Variants in CFAP20DC observed in about 807,000 individuals in gnomAD.
The protein encoded by CFAP20DC is protein CFAP20DC.
In CFAP20DC, 84 loss-of-function variants were observed where a neutral mutation model predicts 101.7. The observed-to-expected ratio is 0.83, with a 90% CI of 0.69 to 0.99. The LOEUF is 0.99. Among genes scored for constraint, CFAP20DC ranks in the 50% least tolerant of loss-of-function variants. The pLI, the probability that CFAP20DC is intolerant of heterozygous loss-of-function variation, is 0.00. For synonymous variants in CFAP20DC, 359 were observed against 351.2 expected (o/e 1.02, Z -0.25); for missense variants, 1,007 against 970.3 (o/e 1.04, Z -0.50).
Position 58,742,495 on chromosome 3 carries a change from C to A in CFAP20DC, c.2410G>T (p.Asp804Tyr). ...TCATAGTATTTCCCTGTTTGGGGGT[C>A]AAAGTAACAGTTCAGACAAGGGTCA... ...LYDPCLNCYF[D>Y]PQTGKYYELV is the part of the protein sequence containing the mutation. Residue 804 changes from aspartate to tyrosine, a missense_variant, in exon 17 of 17, where the codon GAC (aspartate) becomes TAC (tyrosine). Physicochemically the swap from Asp to Tyr is radical, Grantham distance 160. Coordinates refer to ENST00000482387, the MANE Select transcript of CFAP20DC (RefSeq NM_001394063.1). 1 of 1,607,024 alleles carries A rather than the reference C, an allele frequency of 6.2e-7. No individual in the cohort carries two copies. Among genetic ancestry groups the A allele is most frequent in the South Asian group, 1.1e-5 (1 of 89,578 alleles).
At chr3:58,832,668 C>T (rs2076478802) in intron 13 of CFAP20DC, among the ~76,000 whole-genome samples, 1 of 152,074 alleles carries the variant, frequency 6.6e-6, no homozygotes, top group South Asian at 2.1e-4. Context: ...ATAGCTCCAA[C>T]CAAGGTGGAT....
chr3:58,888,925 T>C (rs2081904270), intron 6 of CFAP20DC, among the ~76,000 whole-genome samples: 1 of 152,094 alleles, frequency 6.6e-6, no homozygotes, highest in South Asian at 2.1e-4. Context: ...ATGAACTAAT[T>C]TGCACTCCCA....
rs1210340006 is a variant in CFAP20DC, at chr3:58,869,363, T to G, written c.980A>C (p.Asn327Thr). 6.2e-7 allele frequency: 1 copy of G among 1,613,716 alleles called. No homozygotes were observed. ...TACAGTCTGCTTTATTTGGTGAATA[T>G]TTTCTTTATTTCCTTGTTCCTCAGA... The part of the protein sequence containing the change: ...PESEEQGNKE[N>T]IHQIKQTVPI... Residue 327 changes from asparagine (N) to threonine (T), a missense_variant, in exon 9 of 17, where the codon AAT becomes ACT. By Grantham distance (65) the Asn-to-Thr change is moderately conservative (BLOSUM62 0). Coordinates refer to ENST00000482387, the MANE Select transcript of CFAP20DC (RefSeq NM_001394063.1). The surrounding 1 kb of genome is among the most constrained non-coding windows in gnomAD (Gnocchi z 4.3).
At chr3:58,743,548 A>G (rs1325103215) in intron 16 of CFAP20DC, among the ~76,000 whole-genome samples, 1 of 152,142 alleles carries the variant, frequency 6.6e-6, no homozygotes, top group Non-Finnish European at 1.5e-5. Context: ...CCCCAAACCC[A>G]ACCCAACCCT....
At chr3:58,936,926 T>G (rs1266353215) in intron 5 of CFAP20DC, among the ~76,000 whole-genome samples, 1 of 129,180 alleles carries the variant, frequency 7.7e-6, no homozygotes, top group Non-Finnish European at 1.7e-5. Flanking sequence ...AGTATAATAA[T>G]AACAAAATTA....
intron 14 of CFAP20DC, among the ~76,000 whole-genome samples, chr3:58,820,812 C>A (rs929664397): frequency 1.3e-5 from 2 of 148,178 alleles, no homozygotes; most frequent in African/African-American, 2.6e-5. Flanking sequence ...TCATATGGAA[C>A]CAAAAAAGAG....
At chr3:58,930,525 T>A (rs917766748) in intron 5 of CFAP20DC, among the ~76,000 whole-genome samples, 1 of 152,198 alleles carries the variant, frequency 6.6e-6, no homozygotes, top group South Asian at 2.1e-4. Context: ...AATAAAAATG[T>A]CCCTTTGTCA....
At position 59,047,264 on chromosome 3, in the gene CFAP20DC, G is replaced by A. The variant is rs1246211160; in HGVS notation, c.22-10C>T. The A allele has an allele frequency of 6.6e-7, 1 of 1,511,332 alleles. No homozygotes were observed. Among genetic ancestry groups the A allele is most frequent in the East Asian group, 2.5e-5 (1 of 40,770 alleles). The allele number at this position is 1,511,332 out of a possible 1,614,324, so 93.6% of individuals were successfully genotyped here. On this transcript the variant is annotated splice_polypyrimidine_tract_variant and intron_variant, in intron 1 of 16. Transcript: ENST00000482387. The stretch of plus-strand genomic sequence containing the variant: ...CAACAAATGCACCTCCCTAGAAAAT[G>A]AAAATAAAATATTAAAAGACAATGC...
intron 13 of CFAP20DC, among the ~76,000 whole-genome samples, chr3:58,834,017 A>G (rs991225810): frequency 1.3e-5 from 2 of 152,172 alleles, no homozygotes; most frequent in Admixed American, 1.3e-4. Flanking sequence ...CAGAAAATAG[A>G]TTAGCGGATG....
chr3:58,760,546 C>T (rs2069458495), intron 15 of CFAP20DC, among the ~76,000 whole-genome samples: 1 of 152,094 alleles, frequency 6.6e-6, no homozygotes, highest in African/African-American at 2.4e-5. Flanking sequence ...TGCCTGATTG[C>T]CCTGGCCAGA....
At chr3:58,813,961 T>A (rs751599555) in intron 14 of CFAP20DC, among the ~76,000 whole-genome samples, 17 of 151,866 alleles carry the variant, frequency 1.1e-4, no homozygotes, top group Admixed American at 3.9e-4. Flanking sequence ...CTTTATTATT[T>A]CACAGCAAAA....
chr3:58,768,687 G>C (rs2070558832), intron 15 of CFAP20DC, among the ~76,000 whole-genome samples: 1 of 152,114 alleles, frequency 6.6e-6, no homozygotes, highest in Non-Finnish European at 1.5e-5. Flanking sequence ...TTGGCTTAAA[G>C]CCTTGACTAG....
chr3:59,047,620 C>T (rs769441463), intron 1 of CFAP20DC, among the ~76,000 whole-genome samples: 6 of 152,162 alleles, frequency 3.9e-5, no homozygotes, highest in Non-Finnish European at 7.4e-5. Flanking sequence ...AGGGTTTAAA[C>T]GCAATTCTTG....
chr3:58,849,945 T>C (rs1388828761), intron 12 of CFAP20DC, among the ~76,000 whole-genome samples: 3 of 152,196 alleles, frequency 2.0e-5, no homozygotes, highest in Non-Finnish European at 4.4e-5. Context: ...ACATGTTTTA[T>C]AAAGTATTTT....
At chr3:58,879,959 A>C (rs1393108344) in intron 7 of CFAP20DC, among the ~76,000 whole-genome samples, 1 of 151,914 alleles carries the variant, frequency 6.6e-6, no homozygotes, top group African/African-American at 2.4e-5. Context: ...TTTCCTTCTT[A>C]TTATATATTT....
Position 58,863,737 on chromosome 3 carries a change from T to C in CFAP20DC, c.1414A>G (p.Ser472Gly). 1 of 1,614,200 alleles carries C rather than the reference T, an allele frequency of 6.2e-7. No individual in the cohort carries two copies. Among genetic ancestry groups the C allele is most frequent in the Non-Finnish European group, 8.5e-7 (1 of 1,180,036 alleles). The change falls in exon 12 of 17, where the codon AGT (serine) becomes GGT (glycine). Residue 472 changes from serine (S) to glycine (G), a missense_variant. Transcript: ENST00000482387. The surrounding 1 kb of genome is among the most constrained non-coding windows in gnomAD (Gnocchi z 5.9). Reference protein sequence around the residue: ...EHDQQAEESQSVPKDIFTFSS... With the variant: ...EHDQQAEESQGVPKDIFTFSS... ...AAAGTGAAAATGTCCTTTGGAACAC[T>C]CTGGGATTCCTCTGCCTGCTGGTCG...
chr3:58,909,594 T>G (rs899669872), intron 6 of CFAP20DC, among the ~76,000 whole-genome samples: 2 of 152,186 alleles, frequency 1.3e-5, no homozygotes, highest in African/African-American at 4.8e-5. Context: ...ATTTTTCTGC[T>G]AAACTCTGGA....
At position 58,799,709 on chromosome 3, in the gene CFAP20DC, G is replaced by GTGTGTGTGTGTC. The variant is rs1284879198; in HGVS notation, c.2237+6674_2237+6685dup. 1.4e-5 allele frequency among the ~76,000 whole-genome samples: 2 copies of GTGTGTGTGTGTC among 147,584 alleles called. No individual in the cohort carries two copies. Among genetic ancestry groups the GTGTGTGTGTGTC allele is most frequent in the African/African-American group, 2.6e-5 (1 of 38,898 alleles). ...ACATTCCAGCATTCGAGAAGGAGCA[G>GTGTGTGTGTGTC]TGTGTGTGTGTCTGTGTGTGTGTCT... On this transcript the variant is annotated intron_variant, in intron 15 of 16. Coordinates refer to ENST00000482387, the MANE Select transcript of CFAP20DC (RefSeq NM_001394063.1). This position sits in a 1 kb window ranked among gnomAD's most constrained non-coding sequence, Gnocchi z 4.9.
chr3:58,732,608 G>GAAAAAAACTAA lies in CFAP20DC; in HGVS notation c.198-14981_198-14980insTTAGTTTTTTT, dbSNP rs1241892107. ...TTGAAAATGGAAATAAAACCGAATG[G>GAAAAAAACTAA]TGCTAGAATTAGTAGGAGAATTAAG... On this transcript the variant is annotated intron_variant, in intron 3 of 3. Coordinates refer to the CFAP20DC transcript ENST00000486145. The surrounding 1 kb of genome is among the most constrained non-coding windows in gnomAD (Gnocchi z 5.4). Among the ~76,000 whole-genome samples, 17 of 152,308 alleles carry GAAAAAAACTAA rather than the reference G, an allele frequency of 1.1e-4. No individual in the cohort carries two copies. In the East Asian group the frequency reaches 3.3e-3, roughly 29 times the overall value.
Sources: gnomAD v4.1 joint callset for allele counts (sites outside exome capture counted in the v4.1 genomes callset) on GRCh38, gnomAD v4.1.1 for gene constraint, Gnocchi (gnomAD v3.1) non-coding constraint, MANE v1.5 for transcripts, NCBI Gene and HGNC (gene_info 2026-07-23, HGNC 2026-07-21) for gene names.